The following KCNJ10 variants were observed in gnomAD, a reference collection of about 807,000 sequenced individuals.
KCNJ10 encodes the protein potassium inwardly rectifying channel subfamily J member 10, also known as ATP-sensitive inward rectifier potassium channel 10.
In KCNJ10, 9 loss-of-function variants were observed where a neutral mutation model predicts 22.2. The ratio of observed to expected loss-of-function variants is 0.40; its 90% CI spans 0.24 to 0.71. The LOEUF is 0.71. Ranked by LOEUF, KCNJ10 falls within the 30% of genes least tolerant of loss-of-function variation. KCNJ10 has a pLI of 0.35. For synonymous variants in KCNJ10, 184 were observed against 187.3 expected (o/e 0.98, Z 0.15); for missense variants, 337 against 482.7 (o/e 0.70, Z 2.83).
At chr1:160,067,543 C>T (rs995759801) in intron 1 of KCNJ10, among the ~76,000 whole-genome samples, 1 of 152,226 alleles carries the variant, frequency 6.6e-6, no homozygotes, top group Non-Finnish European at 1.5e-5. Context: ...CTTCTCTGCC[C>T]CCTTCCAGGG....
At chr1:160,069,428 G>A (rs1331960561) in intron 1 of KCNJ10, among the ~76,000 whole-genome samples, 2 of 152,192 alleles carry the variant, frequency 1.3e-5, no homozygotes, top group South Asian at 2.1e-4. Context: ...GTGAGGGTGA[G>A]GGGCCATGAG....
chr1:160,046,452 T>C (rs1648741969), intron 1 of KCNJ10, among the ~76,000 whole-genome samples: 1 of 152,170 alleles, frequency 6.6e-6, no homozygotes, highest in Non-Finnish European at 1.5e-5. Flanking sequence ...TTCATTCTCT[T>C]GGACCTCATG....
rs528816212 is a variant in KCNJ10 at position 160,041,031 on chromosome 1, T to A, written c.*362A>T. ...GAGCTCCAGCCTCAAGTCACCAAACTTCATGGTGGTGGTGGGAGGTAGGGG... is the reference window on the plus strand; with the variant it reads ...GAGCTCCAGCCTCAAGTCACCAAACATCATGGTGGTGGTGGGAGGTAGGGG... On this transcript the variant is annotated 3_prime_UTR_variant, in exon 2 of 2. Transcript: ENST00000644903. The surrounding 1 kb of genome is among the most constrained non-coding windows in gnomAD (Gnocchi z 4.4). The A allele has an allele frequency of 3.7e-4, 132 of 360,664 alleles. 1 individual carries two copies. The highest frequency in any genetic ancestry group is 2.5e-3 in the African/African-American group (122 of 49,356). The allele number at this position is 360,664 out of a possible 1,614,324, so 22.3% of individuals were successfully genotyped here.
rs1172714582 is a variant in KCNJ10 at position 160,037,498 on chromosome 1, T to C, written c.*3895A>G. 2 of 152,222 alleles carry C rather than the reference T, an allele frequency of 1.3e-5. No homozygotes were observed. The highest frequency in any genetic ancestry group is 2.9e-5 in the Non-Finnish European group (2 of 68,044). 9.4% of individuals were successfully genotyped at this position (152,222 alleles called of 1,614,324 possible). A position where few individuals can be genotyped will look rare whatever the true frequency, so the allele number is the denominator to read the frequency against. The stretch of plus-strand genomic sequence containing the variant: ...CCAAAGAGTCATCCATTTTATTTAG[T>C]AGCTTATTTTTAACAGACAAAAACA... On this transcript the variant is annotated 3_prime_UTR_variant, in exon 2 of 2. Transcript: ENST00000644903.
intron 1 of KCNJ10, among the ~76,000 whole-genome samples, chr1:160,048,227 G>GGCGCCCCTGAGGGCTGCAGTTTTTATCT (rs1553235551): frequency 2.0e-5 from 3 of 151,948 alleles, no homozygotes; most frequent in Non-Finnish European, 4.4e-5. Context: ...GACGGGCCAA[G>GGCGCCCCTGAGGGCTGCAGTTTTTATCT]GCCTCACAGG....
chr1:160,058,212 G>C (rs1000356337), intron 1 of KCNJ10, among the ~76,000 whole-genome samples: 5 of 152,040 alleles, frequency 3.3e-5, no homozygotes, highest in Non-Finnish European at 7.4e-5. Flanking sequence ...TTCATCCTTC[G>C]GAAGTCCTTC....
chr1:160,055,889 G>A (rs941586410), intron 1 of KCNJ10, among the ~76,000 whole-genome samples: 15 of 152,116 alleles, frequency 9.9e-5, no homozygotes, highest in African/African-American at 3.1e-4. Context: ...TGGATTCCAC[G>A]TCACCTCTGC....
Position 160,042,245 on chromosome 1 carries a change from C to G in KCNJ10, c.288G>C (p.Leu96=). The G allele has an allele frequency of 6.2e-7, 1 of 1,614,060 alleles. No individual in the cohort carries two copies. Among genetic ancestry groups the G allele is most frequent in the Non-Finnish European group, 8.5e-7 (1 of 1,179,922 alleles). Residue 96 remains leucine (L), a synonymous_variant, in exon 2 of 2, where the codon CTG becomes CTC. Coordinates refer to ENST00000644903, the MANE Select transcript of KCNJ10 (RefSeq NM_002241.5). ...GGTTGGCCGGGGGGTCCAGCTCCAG[C>G]AGGTCCCCATGTGCCACAGCTACCA... ...WYLVAVAHGD[L]LELDPPANHT... is the part of the protein sequence containing the mutation.
intron 1 of KCNJ10, among the ~76,000 whole-genome samples, chr1:160,051,870 G>T (rs568408773): frequency 5.3e-5 from 8 of 151,722 alleles, no homozygotes; most frequent in Admixed American, 2.6e-4. Context: ...ATGTCTCCCC[G>T]ACCCGTTCCT....
chr1:160,041,335 C>T lies in KCNJ10; in HGVS notation c.*58G>A. 6.5e-7 allele frequency: 1 copy of T among 1,533,134 alleles called. No homozygotes were observed. The highest frequency in any genetic ancestry group is 9.0e-7 in the Non-Finnish European group (1 of 1,116,248). 95.0% of individuals were successfully genotyped at this position (1,533,134 alleles called of 1,614,324 possible). On this transcript the variant is annotated 3_prime_UTR_variant, in exon 2 of 2. Coordinates refer to ENST00000644903, the MANE Select transcript of KCNJ10 (RefSeq NM_002241.5). This position sits in a 1 kb window ranked among gnomAD's most constrained non-coding sequence, Gnocchi z 4.4. ...CAGTAAACCCGGGTAGTATTCCTTACCAGGGCATTGGAAGAGAGGAAAAGA... is the reference window on the plus strand; with the variant it reads ...CAGTAAACCCGGGTAGTATTCCTTATCAGGGCATTGGAAGAGAGGAAAAGA...
At chr1:160,048,307 G>C (rs1648797538) in intron 1 of KCNJ10, among the ~76,000 whole-genome samples, 1 of 152,212 alleles carries the variant, frequency 6.6e-6, no homozygotes, top group African/African-American at 2.4e-5. Context: ...GTTTACACAG[G>C]CTTTGCTAAT....
In KCNJ10 at chr1:160,041,436, T is replaced by G; in HGVS notation, c.1097A>C (p.Glu366Ala). Residue 366 changes from glutamate to alanine, a missense_variant, in exon 2 of 2, where the codon GAG becomes GCG. By Grantham distance (107) the Glu-to-Ala change is moderately radical. This residue lies in a region of KCNJ10 where 65 missense variants were observed against 66.0 expected (regional missense o/e 0.98). Coordinates refer to ENST00000644903, the MANE Select transcript of KCNJ10 (RefSeq NM_002241.5). The surrounding 1 kb of genome is among the most constrained non-coding windows in gnomAD (Gnocchi z 4.4). ...CACACTAAGGGCACTGCCCTCCTTC[T>G]CAGCTTGCTCCCTTAATGACTCCTC... ...KLEESLREQA[E>A]KEGSALSVRI... 6.2e-7 allele frequency: 1 copy of G among 1,613,948 alleles called. No homozygotes were observed. The highest frequency in any genetic ancestry group is 8.5e-7 in the Non-Finnish European group (1 of 1,179,970).
intron 1 of KCNJ10, among the ~76,000 whole-genome samples, chr1:160,063,027 G>A (rs1399258136): frequency 6.6e-6 from 1 of 152,176 alleles, no homozygotes. Context: ...CCCAGCTCAG[G>A]GGAATTTGAC....
chr1:160,063,183 T>C (rs1021257228), intron 1 of KCNJ10, among the ~76,000 whole-genome samples: 10 of 152,174 alleles, frequency 6.6e-5, no homozygotes, highest in Non-Finnish European at 1.3e-4. Flanking sequence ...ATTAATGCCC[T>C]CAGCACCACC....
At chr1:160,060,552 G>A (rs1649157240) in intron 1 of KCNJ10, among the ~76,000 whole-genome samples, 1 of 152,102 alleles carries the variant, frequency 6.6e-6, no homozygotes, top group African/African-American at 2.4e-5. Context: ...GAAACATCAT[G>A]GAGATTAGCA....
chr1:160,042,624 T>A, intron 1 of KCNJ10, 92 bp from the exon 2 acceptor site: 5 of 1,097,098 alleles, frequency 4.6e-6, no homozygotes, highest in Non-Finnish European at 6.9e-6. Flanking sequence ...TTAACATTCA[T>A]TTGAATGTCG....
chr1:160,047,930 G>A (rs1428991363), intron 1 of KCNJ10, among the ~76,000 whole-genome samples: 2 of 152,142 alleles, frequency 1.3e-5, no homozygotes, highest in South Asian at 2.1e-4. Flanking sequence ...TAGTAGAGAC[G>A]GGGTTTCACC....
At chr1:160,061,564 C>G (rs934973488) in intron 1 of KCNJ10, among the ~76,000 whole-genome samples, 2 of 151,962 alleles carry the variant, frequency 1.3e-5, no homozygotes, top group African/African-American at 4.8e-5. Context: ...AGGCTGTGTC[C>G]ATGGTTAACG....
At chr1:160,061,949 T>A (rs943523939) in intron 1 of KCNJ10, among the ~76,000 whole-genome samples, 1 of 150,798 alleles carries the variant, frequency 6.6e-6, no homozygotes, top group African/African-American at 2.4e-5. Flanking sequence ...CCCCGGGGAG[T>A]CCTGTAGTGG....
Sources: allele counts gnomAD v4.1 joint callset (sites outside exome capture counted in the v4.1 genomes callset), GRCh38; gene constraint gnomAD v4.1.1; regional missense constraint gnomAD v4.1.1; non-coding constraint Gnocchi (gnomAD v3.1); transcripts MANE v1.5; gene names NCBI Gene and HGNC (gene_info 2026-07-23, HGNC 2026-07-21).